DCAF6: variants seen among roughly 807,000 people sequenced by gnomAD.
The protein encoded by DCAF6 is DDB1 and CUL4 associated factor 6, also known as DDB1- and CUL4-associated factor 6.
Under a neutral mutation model 125.1 loss-of-function variants are expected in DCAF6, and 54 were observed. That is an observed-to-expected ratio of 0.43 (90% confidence interval 0.35 to 0.54). The LOEUF is 0.54. Ranked by LOEUF, DCAF6 falls within the 20% of genes least tolerant of loss-of-function variation. The probability of loss-of-function intolerance (pLI) is 0.01; values close to 1 mark genes in which losing one functional copy is unlikely to be tolerated. For synonymous variants in DCAF6, 371 were observed against 390.4 expected (o/e 0.95, Z 0.58); for missense variants, 934 against 1,161.7 (o/e 0.80, Z 2.85).
intron 7 of DCAF6, among the ~76,000 whole-genome samples, chr1:167,995,698 C>A (rs1355434797): frequency 1.3e-5 from 2 of 150,214 alleles, no homozygotes; most frequent in African/African-American, 4.9e-5. Context: ...AAAAAAAAAG[C>A]TTATTATAAC....
At chr1:167,867,382 A>G in the DCAF6 span, among the ~76,000 whole-genome samples, 1 of 152,226 alleles carries the variant, frequency 6.6e-6, no homozygotes, top group Non-Finnish European at 1.5e-5. Flanking sequence ...GGACTTGTAC[A>G]GTAAGGACTT....
chr1:168,027,609 G>A (rs1360014239), intron 12 of DCAF6, among the ~76,000 whole-genome samples: 1 of 151,964 alleles, frequency 6.6e-6, no homozygotes, highest in Non-Finnish European at 1.5e-5. Flanking sequence ...CATTTTCCAG[G>A]TGCCCAAATC....
chr1:167,902,992 C>T, the DCAF6 span, among the ~76,000 whole-genome samples: 2 of 152,340 alleles, frequency 1.3e-5, no homozygotes, highest in East Asian at 1.9e-4. Context: ...TGGTGGCTTA[C>T]GCCTATAATC....
At chr1:167,885,923 C>T in the DCAF6 span, among the ~76,000 whole-genome samples, 1 of 152,018 alleles carries the variant, frequency 6.6e-6, no homozygotes, top group African/African-American at 2.4e-5. Flanking sequence ...CTTATTCAGA[C>T]CTTTTACCCA....
chr1:167,894,447 T>A, the DCAF6 span, among the ~76,000 whole-genome samples: 1 of 151,942 alleles, frequency 6.6e-6, no homozygotes, highest in Admixed American at 6.6e-5. Flanking sequence ...GGGAAAAGAG[T>A]AGTTGAGCTT....
chr1:168,064,013 TTG>T (rs1691964389), intron 18 of DCAF6: 5 of 262,014 alleles, frequency 1.9e-5, no homozygotes, highest in African/African-American at 2.3e-5. Flanking sequence ...ATCATTGCTT[TTG>T]TTTTTTTTTT....
rs542567381 is a variant in DCAF6, at chr1:167,995,437, T to C, written c.903+1997T>C. ...GCTTACGCCTGTAATCCTAGCACTT[T>C]GGGAGGTCGAGGCGAGTGGATCACC... On this transcript the variant is annotated intron_variant, in intron 7 of 21. Transcript: ENST00000367840. 4.9e-4 allele frequency among the ~76,000 whole-genome samples: 75 copies of C among 152,290 alleles called. 1 individual carries two copies. The highest frequency in any genetic ancestry group is 3.4e-3 in the Middle Eastern group (1 of 292).
the DCAF6 span, chr1:167,901,727 A>G: frequency 6.2e-7 from 1 of 1,614,164 alleles, no homozygotes; most frequent in South Asian, 1.1e-5. Flanking sequence ...ATGGATCTCC[A>G]GGCTACATTT....
chr1:168,035,992 G>T (rs746392127), intron 12 of DCAF6, among the ~76,000 whole-genome samples: 1 of 152,072 alleles, frequency 6.6e-6, no homozygotes. Flanking sequence ...AACCCGGGAG[G>T]CGGAGCTTGC....
intron 2 of DCAF6, among the ~76,000 whole-genome samples, chr1:167,955,531 C>T (rs542253748): frequency 6.6e-6 from 1 of 151,188 alleles, no homozygotes; most frequent in South Asian, 2.1e-4. Context: ...TTTAGATATT[C>T]ATCTGTATTC....
At chr1:168,017,536 A>T (rs1685145538) in intron 11 of DCAF6, among the ~76,000 whole-genome samples, 1 of 152,072 alleles carries the variant, frequency 6.6e-6, no homozygotes, top group Non-Finnish European at 1.5e-5. Context: ...CTTTAGAGTG[A>T]ATGTGTGGTT....
chr1:168,064,807 C>G (rs776558110), intron 18 of DCAF6, among the ~76,000 whole-genome samples: 9 of 152,060 alleles, frequency 5.9e-5, no homozygotes, highest in Non-Finnish European at 1.0e-4. Flanking sequence ...TTTTAAAATC[C>G]TTGTTTGAAA....
chr1:167,993,478 G>A (rs763862456), intron 7 of DCAF6, 38 bp downstream of exon 7: 43 of 1,564,050 alleles, frequency 2.7e-5, no homozygotes, highest in Non-Finnish European at 3.5e-5. Context: ...GGCCGGGCGC[G>A]GTGGCTCACG....
At chr1:167,878,638 A>G in the DCAF6 span, 11 of 1,613,604 alleles carry the variant, frequency 6.8e-6, no homozygotes, top group East Asian at 2.0e-4. Flanking sequence ...ACCAATGACT[A>G]TAGCAAGAAA....
At chr1:168,068,260 C>T in intron 20 of DCAF6, 98 bp from the exon 21 acceptor site, 1 of 735,372 alleles carries the variant, frequency 1.4e-6, no homozygotes, top group South Asian at 1.7e-5. Flanking sequence ...GAAGTAATTC[C>T]TCCTGGTACT....
At chr1:168,044,182 T>C (rs1688875441) in intron 14 of DCAF6, among the ~76,000 whole-genome samples, 1 of 152,102 alleles carries the variant, frequency 6.6e-6, no homozygotes, top group Admixed American at 6.6e-5. Flanking sequence ...TTCCTATGAC[T>C]CAGAAAGGGT....
At chr1:167,965,379 T>C (rs925797203) in intron 2 of DCAF6, among the ~76,000 whole-genome samples, 2 of 152,156 alleles carry the variant, frequency 1.3e-5, no homozygotes, top group Non-Finnish European at 2.9e-5. Context: ...TTTGTCTAGG[T>C]CAGTTAGGCT....
chr1:167,900,619 G>T, the DCAF6 span, among the ~76,000 whole-genome samples: 1 of 151,708 alleles, frequency 6.6e-6, no homozygotes, highest in Non-Finnish European at 1.5e-5. Flanking sequence ...TGCAACCTCC[G>T]CCTCCTGGGT....
At chr1:167,936,522 G>A (rs1298309835), upstream of DCAF6, 2 of 234,964 alleles carry the variant, frequency 8.5e-6, no homozygotes, top group Non-Finnish European at 1.7e-5. Flanking sequence ...GAGGGCAGCC[G>A]CAGCACACAC....
Sources: gnomAD v4.1 joint callset for allele counts (sites outside exome capture counted in the v4.1 genomes callset) on GRCh38, gnomAD v4.1.1 for gene constraint, MANE v1.5 for transcripts, NCBI Gene and HGNC (gene_info 2026-07-23, HGNC 2026-07-21) for gene names.